MCTP1: variants seen among roughly 807,000 people sequenced by gnomAD.
The protein encoded by MCTP1 is multiple C2 and transmembrane domain containing 1.
In MCTP1, 69 loss-of-function variants were observed where a neutral mutation model predicts 120.6. That is an observed-to-expected ratio of 0.57 (90% CI 0.47 to 0.70). The LOEUF is 0.70. Ranked by LOEUF, MCTP1 falls within the 30% of genes least tolerant of loss-of-function variation. MCTP1 has a pLI of 0.00. For synonymous variants in MCTP1, 529 were observed against 493.1 expected (o/e 1.07, Z -0.96); for missense variants, 1,203 against 1,248.8 (o/e 0.96, Z 0.55).
chr5:94,893,908 C>T (rs933995704), intron 11 of MCTP1, among the ~76,000 whole-genome samples: 1 of 152,138 alleles, frequency 6.6e-6, no homozygotes, highest in Non-Finnish European at 1.5e-5. Context: ...GGTACTAAGG[C>T]ATTTACTTTT....
intron 19 of MCTP1, among the ~76,000 whole-genome samples, chr5:94,735,905 A>G (rs1281429644): frequency 6.6e-6 from 1 of 152,236 alleles, no homozygotes; most frequent in Non-Finnish European, 1.5e-5. Flanking sequence ...TCAACACAGT[A>G]GTAGAGAAAG....
At chr5:94,735,618 A>G (rs1764046348) in intron 19 of MCTP1, among the ~76,000 whole-genome samples, 1 of 152,186 alleles carries the variant, frequency 6.6e-6, no homozygotes, top group Non-Finnish European at 1.5e-5. Flanking sequence ...TTTGATTTAC[A>G]GGATAGAGTA....
intron 1 of MCTP1, among the ~76,000 whole-genome samples, chr5:95,268,441 C>A (rs1376824500): frequency 2.0e-5 from 3 of 152,178 alleles, no homozygotes; most frequent in African/African-American, 7.2e-5. Context: ...AGACAATACT[C>A]ATGAGCAGAT....
intron 17 of MCTP1, among the ~76,000 whole-genome samples, chr5:94,815,151 G>A (rs939477600): frequency 1.3e-5 from 2 of 152,080 alleles, no homozygotes; most frequent in Non-Finnish European, 2.9e-5. Context: ...AAATAGAAAC[G>A]AAAACTGCTG....
Position 95,060,522 on chromosome 5 carries a change from G to T in MCTP1, c.721-43038C>A, listed in dbSNP as rs547450476. On this transcript the variant is annotated intron_variant, in intron 1 of 22. Coordinates refer to ENST00000515393, the MANE Select transcript of MCTP1 (RefSeq NM_024717.7). ...GATGAAAAAAGTTTTTTTAAAAAAG[G>T]CCACTTTTGCAGATATACCAAAGAA... Among the ~76,000 whole-genome samples, 7 of 152,176 alleles carry T rather than the reference G, an allele frequency of 4.6e-5. No individual in the cohort carries two copies. In the South Asian group the frequency reaches 1.2e-3, roughly 27 times the overall value.
intron 17 of MCTP1, among the ~76,000 whole-genome samples, chr5:94,831,995 G>A (rs74894459): frequency 6.6e-6 from 1 of 152,138 alleles, no homozygotes; most frequent in African/African-American, 2.4e-5. Context: ...ACGCTTCTAC[G>A]GAATCCTTTA....
At chr5:94,807,704 A>G (rs1183080016) in intron 17 of MCTP1, among the ~76,000 whole-genome samples, 1 of 85,104 alleles carries the variant, frequency 1.2e-5, no homozygotes, top group African/African-American at 4.7e-5. Flanking sequence ...AATGACTAGG[A>G]TGGGAGAAGG....
intron 1 of MCTP1, among the ~76,000 whole-genome samples, chr5:95,213,722 T>C (rs1294777053): frequency 6.6e-6 from 1 of 151,888 alleles, no homozygotes; most frequent in East Asian, 1.9e-4. Context: ...TATCTACAAC[T>C]ATCTGATCTT....
At chr5:95,027,798 T>A (rs1246849989) in intron 1 of MCTP1, among the ~76,000 whole-genome samples, 6 of 152,200 alleles carry the variant, frequency 3.9e-5, no homozygotes, top group Admixed American at 3.3e-4. Context: ...ACAGCTTCAA[T>A]GAGTCCTTGG....
intron 17 of MCTP1, among the ~76,000 whole-genome samples, chr5:94,848,382 G>T (rs1443427231): frequency 6.6e-6 from 1 of 151,886 alleles, no homozygotes; most frequent in South Asian, 2.1e-4. Flanking sequence ...TTACCCTACA[G>T]CCTTGGGGGT....
At chr5:95,173,222 A>G (rs140496378) in intron 1 of MCTP1, among the ~76,000 whole-genome samples, 109 of 152,328 alleles carry the variant, frequency 7.2e-4, no homozygotes, top group Admixed American at 2.5e-3. Context: ...AGCAATTTCA[A>G]TCTATTAGAA....
intron 7 of MCTP1, among the ~76,000 whole-genome samples, chr5:94,922,505 T>C (rs1811930792): frequency 6.7e-6 from 1 of 150,016 alleles, no homozygotes; most frequent in Non-Finnish European, 1.5e-5. Context: ...CTTTTTTTTT[T>C]GAAATGGAGT....
At chr5:95,268,179 T>C (rs915219855) in intron 1 of MCTP1, among the ~76,000 whole-genome samples, 2 of 152,244 alleles carry the variant, frequency 1.3e-5, no homozygotes, top group African/African-American at 4.8e-5. Flanking sequence ...GTTTCTTCTA[T>C]AAGATCGTAA....
At chr5:95,132,009 T>C (rs72779457) in intron 1 of MCTP1, among the ~76,000 whole-genome samples, 21,022 of 152,224 alleles carry the variant, frequency 0.14, 1,545 homozygotes, top group Middle Eastern at 0.22. Context: ...TTACCTTATA[T>C]AGTTTACTTT....
chr5:94,730,000 C>T (rs1400539560), intron 19 of MCTP1, among the ~76,000 whole-genome samples: 2 of 152,188 alleles, frequency 1.3e-5, no homozygotes, highest in Non-Finnish European at 2.9e-5. Context: ...TAGGAGGCTA[C>T]TACAGTAGCC....
rs544392510 is a variant in MCTP1 at position 94,955,307 on chromosome 5, A to G, written c.839-1946T>C. ...AATTCCCTTGGGTGCCTATGTCACA[A>G]GGCCTCTGGTTTCAAGCACAAAACT... is the stretch of plus-strand genomic sequence containing the variant. On this transcript the variant is annotated intron_variant, in intron 2 of 22. Coordinates refer to ENST00000515393, the MANE Select transcript of MCTP1 (RefSeq NM_024717.7). 5.3e-5 allele frequency among the ~76,000 whole-genome samples: 8 copies of G among 152,292 alleles called. No homozygotes were observed. The East Asian group carries it at 1.4e-3, about 26-fold the overall frequency.
At chr5:94,932,213 T>TGA (rs1491526591) in intron 5 of MCTP1, among the ~76,000 whole-genome samples, 1 of 95,846 alleles carries the variant, frequency 1.0e-5, no homozygotes, top group Non-Finnish European at 2.0e-5. Flanking sequence ...TATTCCTTTG[T>TGA]AAAAAAAAAA....
At chr5:94,974,119 C>T (rs1030862969) in intron 2 of MCTP1, among the ~76,000 whole-genome samples, 1 of 152,042 alleles carries the variant, frequency 6.6e-6, no homozygotes, top group Non-Finnish European at 1.5e-5. Context: ...GAAAACTTGA[C>T]TCAATATAAT....
At chr5:95,168,246 T>C (rs564405633) in intron 1 of MCTP1, among the ~76,000 whole-genome samples, 249 of 152,296 alleles carry the variant, frequency 1.6e-3, no homozygotes, top group Non-Finnish European at 2.3e-3. Context: ...TTCTGTTCCA[T>C]TGGTTTATTT....
Sources: gnomAD v4.1 joint callset for allele counts (sites outside exome capture counted in the v4.1 genomes callset) on GRCh38, gnomAD v4.1.1 for gene constraint, MANE v1.5 for transcripts, NCBI Gene and HGNC (gene_info 2026-07-23, HGNC 2026-07-21) for gene names.